The following TBC1D19 variants were observed in gnomAD, a reference collection of about 807,000 sequenced individuals.
The protein encoded by TBC1D19 is TBC1 domain family, member 19.
TBC1D19 carries 60 observed loss-of-function variants against 89.0 expected under a neutral mutation model. That is an observed-to-expected ratio of 0.67 (90% CI 0.55 to 0.84). The LOEUF (loss-of-function observed/expected upper bound fraction) is 0.84, where lower values mean the gene tolerates loss of function less well. Among genes scored for constraint, TBC1D19 ranks in the 40% least tolerant of loss-of-function variants. The pLI, the probability that TBC1D19 is intolerant of heterozygous loss-of-function variation, is 0.00. For synonymous variants in TBC1D19, 189 were observed against 199.7 expected (o/e 0.95, Z 0.45); for missense variants, 500 against 610.8 (o/e 0.82, Z 1.91).
the TBC1D19 span, among the ~76,000 whole-genome samples, chr4:26,803,235 AC>A: frequency 6.6e-6 from 1 of 152,160 alleles, no homozygotes; most frequent in African/African-American, 2.4e-5. Context: ...ATAAACCAAT[AC>A]TTTTATGAAG....
At chr4:26,647,494 C>T (rs1379332636) in intron 7 of TBC1D19, among the ~76,000 whole-genome samples, 1 of 152,202 alleles carries the variant, frequency 6.6e-6, no homozygotes, top group African/African-American at 2.4e-5. Context: ...GGTCTTCCTA[C>T]TTCTACCTTT....
At chr4:26,774,279 A>C in the TBC1D19 span, among the ~76,000 whole-genome samples, 55 of 152,336 alleles carry the variant, frequency 3.6e-4, no homozygotes, top group East Asian at 0.01. Flanking sequence ...TTTTCATTTT[A>C]GTTTTTTGCC....
At chr4:26,717,428 G>C (rs1357030911) in intron 13 of TBC1D19, among the ~76,000 whole-genome samples, 3 of 151,954 alleles carry the variant, frequency 2.0e-5, no homozygotes, top group Non-Finnish European at 4.4e-5. Context: ...TACTGGTCAG[G>C]ACAGCTAGCT....
chr4:26,620,197 T>C (rs1398287514), intron 3 of TBC1D19, among the ~76,000 whole-genome samples: 1 of 152,184 alleles, frequency 6.6e-6, no homozygotes, highest in Non-Finnish European at 1.5e-5. Flanking sequence ...CCCCCAGATC[T>C]TTGCATGGTT....
chr4:26,739,154 C>T (rs1051293329), intron 16 of TBC1D19, among the ~76,000 whole-genome samples: 18 of 152,054 alleles, frequency 1.2e-4, no homozygotes, highest in African/African-American at 3.9e-4. Context: ...TCAGGTAGGT[C>T]GCCAATCCAA....
intron 13 of TBC1D19, among the ~76,000 whole-genome samples, chr4:26,700,849 A>T (rs549720341): frequency 3.3e-5 from 5 of 152,270 alleles, no homozygotes; most frequent in African/African-American, 1.2e-4. Context: ...AATGCTGGCC[A>T]CCCCTGCTTT....
chr4:26,718,431 AGTT>A (rs71186424), intron 14 of TBC1D19, among the ~76,000 whole-genome samples: 2,111 of 152,140 alleles, frequency 0.014, 24 homozygotes, highest in Non-Finnish European at 0.021. Flanking sequence ...TCCAATGTCT[AGTT>A]TAGTTATTTT....
the TBC1D19 span, among the ~76,000 whole-genome samples, chr4:26,853,295 C>T: frequency 2.0e-5 from 3 of 152,210 alleles, no homozygotes; most frequent in Non-Finnish European, 2.9e-5. Flanking sequence ...GACATCTGTA[C>T]AATTCTCTCA....
At position 26,584,111 on chromosome 4, in the gene TBC1D19, A is replaced by T; in HGVS notation, c.-83A>T. On this transcript the variant is annotated 5_prime_UTR_variant, in exon 1 of 21. Transcript: ENST00000264866. ...TGTAATAAGGTCCCGGAGAAGTGTCACTGGCCCTGAGTGGGACCCGGTAGC... is the reference window on the plus strand; with the variant it reads ...TGTAATAAGGTCCCGGAGAAGTGTCTCTGGCCCTGAGTGGGACCCGGTAGC... The T allele has an allele frequency of 7.3e-7, 1 of 1,370,278 alleles. No homozygotes were observed. Among genetic ancestry groups the T allele is most frequent in the Non-Finnish European group, 1.0e-6 (1 of 981,206 alleles). The allele number at this position is 1,370,278 out of a possible 1,614,324, so 84.9% of individuals were successfully genotyped here.
chr4:26,587,824 A>G (rs1442946383), intron 1 of TBC1D19, among the ~76,000 whole-genome samples: 1 of 151,872 alleles, frequency 6.6e-6, no homozygotes, highest in Non-Finnish European at 1.5e-5. Context: ...AATTAAAAAT[A>G]TATGCAGGCC....
At chr4:26,647,776 G>A (rs1306536724) in intron 7 of TBC1D19, among the ~76,000 whole-genome samples, 1 of 152,040 alleles carries the variant, frequency 6.6e-6, no homozygotes, top group Non-Finnish European at 1.5e-5. Flanking sequence ...TGCTGGCAAT[G>A]ATTTTTCCCT....
At chr4:26,692,536 AC>A (rs1210958997) in intron 13 of TBC1D19, among the ~76,000 whole-genome samples, 2 of 152,180 alleles carry the variant, frequency 1.3e-5, no homozygotes, top group Non-Finnish European at 2.9e-5. Flanking sequence ...AGGGCAAATG[AC>A]TCAGAGATTT....
intron 7 of TBC1D19, among the ~76,000 whole-genome samples, chr4:26,658,100 T>C (rs1744981899): frequency 6.6e-6 from 1 of 152,184 alleles, no homozygotes; most frequent in Non-Finnish European, 1.5e-5. Context: ...TTAGATCCCA[T>C]TTGTCAATTT....
intron 15 of TBC1D19, among the ~76,000 whole-genome samples, chr4:26,735,016 G>GTATACACATATGTATATGTA (rs1717925919): frequency 1.7e-5 from 1 of 59,536 alleles, no homozygotes; most frequent in Non-Finnish European, 4.5e-5. Flanking sequence ...ATGTATATGT[G>GTATACACATATGTATATGTA]TATACACATG....
At chr4:26,593,225 A>G (rs1739948527) in intron 1 of TBC1D19, among the ~76,000 whole-genome samples, 1 of 152,186 alleles carries the variant, frequency 6.6e-6, no homozygotes, top group Non-Finnish European at 1.5e-5. Context: ...CCTGAGAAAA[A>G]CAAGCAATGG....
chr4:26,831,626 A>G, the TBC1D19 span, among the ~76,000 whole-genome samples: 1 of 130,056 alleles, frequency 7.7e-6, no homozygotes, highest in Non-Finnish European at 1.6e-5. Context: ...TCTGTTGCCC[A>G]GGCTGGAGTG....
chr4:26,602,399 C>T (rs1740668052), intron 1 of TBC1D19, among the ~76,000 whole-genome samples: 1 of 150,162 alleles, frequency 6.7e-6, no homozygotes, highest in Non-Finnish European at 1.5e-5. Context: ...GTGACTTAAA[C>T]CATATCAAGA....
intron 11 of TBC1D19, among the ~76,000 whole-genome samples, chr4:26,681,309 C>T (rs1029496932): frequency 5.3e-5 from 8 of 151,668 alleles, no homozygotes; most frequent in Admixed American, 3.3e-4. Flanking sequence ...GAGGCTGAGG[C>T]GGGCAGATCA....
chr4:26,717,479 C>T (rs551336134), intron 13 of TBC1D19, among the ~76,000 whole-genome samples: 1 of 152,216 alleles, frequency 6.6e-6, no homozygotes, highest in East Asian at 1.9e-4. Flanking sequence ...ACTGCTGCTG[C>T]TGTCCTTTCT....
Sources: allele counts gnomAD v4.1 joint callset (sites outside exome capture counted in the v4.1 genomes callset), GRCh38; gene constraint gnomAD v4.1.1; transcripts MANE v1.5; gene names NCBI Gene and HGNC (gene_info 2026-07-23, HGNC 2026-07-21).